The following MFHAS1 variants were observed in gnomAD, a reference collection of about 807,000 sequenced individuals.
MFHAS1 encodes the protein malignant fibrous histiocytoma-amplified sequence 1.
In MFHAS1, 50 loss-of-function variants were observed where a neutral mutation model predicts 70.4. The ratio of observed to expected loss-of-function variants is 0.71; its 90% CI spans 0.57 to 0.90. The LOEUF (loss-of-function observed/expected upper bound fraction) is 0.90. Among genes scored for constraint, MFHAS1 ranks in the 40% least tolerant of loss-of-function variants. The pLI is 0.00. For missense variants in MFHAS1, 1,795 were observed against 1,347.6 expected (o/e 1.33, Z -5.20); for synonymous variants, 952 against 620.0 (o/e 1.54, Z -7.96).
At position 8,785,537 on chromosome 8, in the gene MFHAS1, A is replaced by T. The variant is rs1438079807; in HGVS notation, c.*485T>A. On this transcript the variant is annotated 3_prime_UTR_variant, in exon 3 of 3. Coordinates refer to ENST00000276282, the MANE Select transcript of MFHAS1 (RefSeq NM_004225.3). ...ACGCTAGAAGCTTCAAACTGTATAAATTTAAATGTATTTGCATATTATAAA... is the reference window on the plus strand; with the variant it reads ...ACGCTAGAAGCTTCAAACTGTATAATTTTAAATGTATTTGCATATTATAAA... 1 of 155,106 alleles carries T rather than the reference A, an allele frequency of 6.4e-6. No homozygotes were observed. The highest frequency in any genetic ancestry group is 2.4e-5 in the African/African-American group (1 of 41,488). 9.6% of individuals were successfully genotyped at this position (155,106 alleles called of 1,614,324 possible).
intron 1 of MFHAS1, among the ~76,000 whole-genome samples, chr8:8,866,930 T>C (rs1236964704): frequency 1.3e-5 from 2 of 152,176 alleles, no homozygotes; most frequent in East Asian, 3.9e-4. Context: ...GGGAAATACA[T>C]ATCTGATACA....
At position 8,878,570 on chromosome 8, in the gene MFHAS1, A is replaced by G. The variant is rs1347474922; in HGVS notation, c.2998+11491T>C. Among the ~76,000 whole-genome samples, 4 of 152,168 alleles carry G rather than the reference A, an allele frequency of 2.6e-5. No individual in the cohort carries two copies. In the South Asian group the frequency reaches 8.3e-4, roughly 31 times the overall value. On this transcript the variant is annotated intron_variant, in intron 1 of 2. Coordinates refer to ENST00000276282, the MANE Select transcript of MFHAS1 (RefSeq NM_004225.3). ...ACAAGAATCATATTAAAACAATAAT[A>G]AAGTTGGTAAGTCAAACAACGGCAC...
At position 8,890,333 on chromosome 8, in the gene MFHAS1, C is replaced by G; in HGVS notation, c.2726G>C (p.Arg909Thr). The G allele has an allele frequency of 6.2e-7, 1 of 1,614,194 alleles. No homozygotes were observed. Among genetic ancestry groups the G allele is most frequent in the Non-Finnish European group, 8.5e-7 (1 of 1,180,034 alleles). Residue 909 changes from arginine to threonine, a missense_variant, in exon 1 of 3, where the codon AGG becomes ACG. Physicochemically the swap from Arg to Thr is moderately conservative, Grantham distance 71 (BLOSUM62 -1). Coordinates refer to ENST00000276282, the MANE Select transcript of MFHAS1 (RefSeq NM_004225.3). The stretch of plus-strand genomic sequence containing the variant: ...AAAGATCTGAAATTTACCATCCGAC[C>G]TGTGCACCACATGGCTGTTGATCTG... ...SVQINSHVVH[R>T]SDGKFQIFAY... is the part of the protein sequence containing the mutation.
intron 1 of MFHAS1, among the ~76,000 whole-genome samples, chr8:8,861,629 C>T (rs1281590080): frequency 1.3e-5 from 2 of 152,106 alleles, no homozygotes; most frequent in Admixed American, 6.5e-5. Flanking sequence ...AAACGTAGAA[C>T]TTGATGCATT....
In MFHAS1 at chr8:8,785,816, T is replaced by G. The variant is rs1279550541; in HGVS notation, c.*206A>C. 1.9e-6 allele frequency: 1 copy of G among 531,404 alleles called. No individual in the cohort carries two copies. The highest frequency in any genetic ancestry group is 3.0e-5 in the East Asian group (1 of 32,814). 32.9% of individuals were successfully genotyped at this position (531,404 alleles called of 1,614,324 possible). A position where few individuals can be genotyped will look rare whatever the true frequency, so the allele number is the denominator to read the frequency against. On this transcript the variant is annotated 3_prime_UTR_variant, in exon 3 of 3. Transcript: ENST00000276282. ...GTTCTGAGGTTCAGGTTGTAAAACATTTGCTCCATGTTCTCGTCCATGCTT... is the reference window on the plus strand; with the variant it reads ...GTTCTGAGGTTCAGGTTGTAAAACAGTTGCTCCATGTTCTCGTCCATGCTT...
intron 1 of MFHAS1, among the ~76,000 whole-genome samples, chr8:8,857,995 T>C (rs1278587255): frequency 6.6e-6 from 1 of 152,182 alleles, no homozygotes; most frequent in Non-Finnish European, 1.5e-5. Context: ...ATGATTCAAA[T>C]AGCTGAGCTG....
intron 1 of MFHAS1, among the ~76,000 whole-genome samples, chr8:8,857,674 C>T (rs1402286888): frequency 2.0e-5 from 3 of 151,758 alleles, no homozygotes; most frequent in Non-Finnish European, 4.4e-5. Context: ...GCAGGAGAAT[C>T]GCTTGAACCC....
At chr8:8,806,653 T>C (rs1387318627) in intron 1 of MFHAS1, among the ~76,000 whole-genome samples, 1 of 152,168 alleles carries the variant, frequency 6.6e-6, no homozygotes, top group Non-Finnish European at 1.5e-5. Flanking sequence ...GAGATTTCTC[T>C]GGAATTTCTA....
In MFHAS1 at chr8:8,890,262, T is replaced by C. The variant is rs761157880; in HGVS notation, c.2797A>G (p.Arg933Gly). 5.6e-6 allele frequency: 9 copies of C among 1,614,058 alleles called. No homozygotes were observed. In the East Asian group the frequency reaches 1.1e-4, roughly 20 times the overall value. ...AGGGTGTCTGGCTGCAGGACTCCCC[T>C]GGCAGGTCTGTAACTCACAACCACA... ...VPVVVSYRPARGVLQPDTLSI... is the reference protein window; with the variant it reads ...VPVVVSYRPAGGVLQPDTLSI... The change falls in exon 1 of 3, where the codon AGG (arginine) becomes GGG (glycine). Residue 933 changes from arginine to glycine, a missense_variant. By Grantham distance (125) the Arg-to-Gly change is moderately radical (BLOSUM62 -2). Coordinates refer to ENST00000276282, the MANE Select transcript of MFHAS1 (RefSeq NM_004225.3).
intron 1 of MFHAS1, among the ~76,000 whole-genome samples, chr8:8,807,685 G>C (rs1211732231): frequency 6.6e-6 from 1 of 152,202 alleles, no homozygotes; most frequent in African/African-American, 2.4e-5. Flanking sequence ...CCATCCACAA[G>C]AAGTGGCCAG....
At chr8:8,821,832 T>G (rs186003478) in intron 1 of MFHAS1, 1 of 152,248 alleles carries the variant, frequency 6.6e-6, no homozygotes, top group Non-Finnish European at 1.5e-5. Flanking sequence ...TAGGAGCATG[T>G]GGACATCTGA....
At chr8:8,802,519 C>T (rs1806117141) in intron 1 of MFHAS1, among the ~76,000 whole-genome samples, 1 of 152,216 alleles carries the variant, frequency 6.6e-6, no homozygotes. Context: ...AAACCCCTCA[C>T]CAGATACCAA....
At chr8:8,845,215 A>G (rs1283114090) in intron 1 of MFHAS1, among the ~76,000 whole-genome samples, 1 of 152,246 alleles carries the variant, frequency 6.6e-6, no homozygotes, top group Non-Finnish European at 1.5e-5. Context: ...AATCAGCTGA[A>G]CAAATAATGG....
chr8:8,878,474 C>G (rs1409523526), intron 1 of MFHAS1, among the ~76,000 whole-genome samples: 1 of 152,180 alleles, frequency 6.6e-6, no homozygotes, highest in Non-Finnish European at 1.5e-5. Flanking sequence ...ACATTGTCAC[C>G]TCTTCTATTT....
intron 1 of MFHAS1, among the ~76,000 whole-genome samples, chr8:8,856,734 A>G (rs1336761625): frequency 6.6e-6 from 1 of 152,066 alleles, no homozygotes; most frequent in Non-Finnish European, 1.5e-5. Flanking sequence ...TCCCCATGGC[A>G]CTCAGCAGAC....
intron 1 of MFHAS1, among the ~76,000 whole-genome samples, chr8:8,819,773 A>T (rs1056485839): frequency 2.0e-5 from 3 of 152,088 alleles, no homozygotes; most frequent in African/African-American, 7.2e-5. Flanking sequence ...ATCACAGCTC[A>T]TTGCAGCCTC....
intron 1 of MFHAS1, among the ~76,000 whole-genome samples, chr8:8,863,147 G>A (rs932038887): frequency 2.0e-5 from 3 of 152,088 alleles, no homozygotes; most frequent in Non-Finnish European, 4.4e-5. Flanking sequence ...AATCAATTGG[G>A]CATGTATGTG....
chr8:8,844,973 A>AAAG (rs1012580175), intron 1 of MFHAS1, among the ~76,000 whole-genome samples: 6 of 152,078 alleles, frequency 3.9e-5, no homozygotes, highest in South Asian at 2.1e-4. Context: ...AAGAGCAACA[A>AAAG]AAGAAGAAGA....
At chr8:8,788,996 C>CT (rs1312050039) in intron 2 of MFHAS1, among the ~76,000 whole-genome samples, 1 of 152,142 alleles carries the variant, frequency 6.6e-6, no homozygotes, top group Non-Finnish European at 1.5e-5. Flanking sequence ...CCATCCAAGG[C>CT]TTTTCAACAG....
Sources: gnomAD v4.1 joint callset for allele counts (sites outside exome capture counted in the v4.1 genomes callset) on GRCh38, gnomAD v4.1.1 for gene constraint, MANE v1.5 for transcripts, NCBI Gene and HGNC (gene_info 2026-07-23, HGNC 2026-07-21) for gene names.